LANCL3: variants seen among roughly 807,000 people sequenced by gnomAD.
LANCL3 encodes the protein lanC-like protein 3.
LANCL3 carries 19 observed loss-of-function variants against 26.5 expected under a neutral mutation model. The observed-to-expected ratio is 0.72, with a 90% CI of 0.50 to 1.05. The LOEUF (loss-of-function observed/expected upper bound fraction) is 1.05, where lower values mean the gene tolerates loss of function less well. Ranked by LOEUF, LANCL3 falls within the 50% of genes least tolerant of loss-of-function variation. The pLI is 0.00. For synonymous variants in LANCL3, 160 were observed against 166.6 expected, an observed-to-expected ratio of 0.96 and a Z score of 0.30; for missense variants, 318 against 362.7, an observed-to-expected ratio of 0.88 and a Z score of 1.00.
chrX:37,637,110 G>A (rs1267401911), intron 1 of LANCL3, among the ~76,000 whole-genome samples: 1 of 111,706 alleles, frequency 9.0e-6, no homozygotes, highest in Non-Finnish European at 1.9e-5. Context: ...ATCCTAGGTG[G>A]TGGAGCACAA....
chrX:37,639,886 T>C (rs1158920594), intron 1 of LANCL3, among the ~76,000 whole-genome samples: 1 of 112,045 alleles, frequency 8.9e-6, no homozygotes, highest in African/African-American at 3.2e-5. Flanking sequence ...CTATAGCAGC[T>C]GGCCATTTCT....
chrX:37,675,969 T>A lies in LANCL3; in HGVS notation c.*156T>A. 1 of 341,867 alleles carries A rather than the reference T, an allele frequency of 2.9e-6. No homozygotes were observed. Among genetic ancestry groups the A allele is most frequent in the Non-Finnish European group, 4.9e-6 (1 of 202,414 alleles). 28.2% of individuals were successfully genotyped at this position (341,867 alleles called of 1,213,427 possible). On this transcript the variant is annotated 3_prime_UTR_variant, in exon 5 of 5. Transcript: ENST00000378619. ...AGGTGAAGGCAACATGATGCCAGATTTGAGAAAGGATCTGCAAAATAAAGA... is the reference window on the plus strand; with the variant it reads ...AGGTGAAGGCAACATGATGCCAGATATGAGAAAGGATCTGCAAAATAAAGA...
intron 1 of LANCL3, among the ~76,000 whole-genome samples, chrX:37,622,460 G>GA (rs1464130733): frequency 2.8e-5 from 3 of 107,722 alleles, no homozygotes; most frequent in Admixed American, 2.0e-4. Flanking sequence ...ATCCTACACT[G>GA]AAAAAAAAAT....
intron 1 of LANCL3, among the ~76,000 whole-genome samples, chrX:37,587,852 T>C (rs782299877): frequency 1.8e-5 from 2 of 112,182 alleles, no homozygotes; most frequent in South Asian, 3.7e-4. Context: ...AGTACCTTAG[T>C]TGGAAATGCA....
chrX:37,677,531 T>A lies in LANCL3; in HGVS notation c.*1718T>A, dbSNP rs1484112978. On this transcript the variant is annotated 3_prime_UTR_variant, in exon 5 of 5. Transcript: ENST00000378619. ...TTCAGCTTCCTGTTTCATTTTTACA[T>A]CCTCAGATACAACCATATCAAATTG... The A allele has an allele frequency of 1.8e-5, 2 of 112,322 alleles. No individual in the cohort carries two copies. Among genetic ancestry groups the A allele is most frequent in the African/African-American group, 6.5e-5 (2 of 30,980 alleles). 9.3% of individuals were successfully genotyped at this position (112,322 alleles called of 1,213,427 possible). A position where few individuals can be genotyped will look rare whatever the true frequency, so the allele number is the denominator to read the frequency against.
intron 1 of LANCL3, among the ~76,000 whole-genome samples, chrX:37,647,783 C>T (rs1926026149): frequency 8.9e-6 from 1 of 112,468 alleles, no homozygotes; most frequent in Non-Finnish European, 1.9e-5. Context: ...TAGAACTGTA[C>T]TTCTGCACTA....
intron 1 of LANCL3, among the ~76,000 whole-genome samples, chrX:37,622,947 A>G (rs781981205): frequency 5.2e-4 from 59 of 112,682 alleles, no homozygotes; most frequent in African/African-American, 1.7e-3. Flanking sequence ...GATATAAGAA[A>G]TTCACTAAAC....
intron 1 of LANCL3, among the ~76,000 whole-genome samples, chrX:37,629,272 T>TTC: frequency 9.3e-6 from 1 of 107,237 alleles, no homozygotes; most frequent in African/African-American, 3.4e-5. Context: ...GTTCATGTCC[T>TTC]TCGCCCACTT....
intron 1 of LANCL3, among the ~76,000 whole-genome samples, chrX:37,580,679 T>C (rs1556416911): frequency 9.0e-6 from 1 of 111,263 alleles, no homozygotes; most frequent in Non-Finnish European, 1.9e-5. Flanking sequence ...TTGTACCCTT[T>C]TACCAACTTC....
At chrX:37,616,350 TA>T (rs1376374580) in intron 1 of LANCL3, among the ~76,000 whole-genome samples, 15 of 111,934 alleles carry the variant, frequency 1.3e-4, no homozygotes, top group Non-Finnish European at 2.6e-4. Context: ...TAATATAAAA[TA>T]TGTGGCTCAT....
At chrX:37,626,894 TGTGA>T (rs1386860478) in intron 1 of LANCL3, among the ~76,000 whole-genome samples, 2 of 112,029 alleles carry the variant, frequency 1.8e-5, no homozygotes, top group Non-Finnish European at 3.8e-5. Flanking sequence ...TCTTGTTCCC[TGTGA>T]GTAACGCCCT....
chrX:37,675,267 C>T (rs1926767198), intron 4 of LANCL3, among the ~76,000 whole-genome samples: 1 of 112,005 alleles, frequency 8.9e-6, no homozygotes, highest in South Asian at 3.7e-4. Flanking sequence ...TCTGCAGAAA[C>T]ACAGCATATT....
At position 37,571,817 on chromosome X, in the gene LANCL3, A is replaced by G. The variant is rs2037823547; in HGVS notation, c.-54A>G. On this transcript the variant is annotated 5_prime_UTR_variant, in exon 1 of 5. Coordinates refer to ENST00000378619, the MANE Select transcript of LANCL3 (RefSeq NM_001170331.2). ...AGCCGGAGGTGGTGTGCGGGGCTGC[A>G]GGGCACGACTTCAAGCGGTCCTCAG... 3 of 1,070,380 alleles carry G rather than the reference A, an allele frequency of 2.8e-6. No individual in the cohort carries two copies. The highest frequency in any genetic ancestry group is 2.6e-5 in the Admixed American group (1 of 37,924). The allele number at this position is 1,070,380 out of a possible 1,213,427, so 88.2% of individuals were successfully genotyped here. A position where few individuals can be genotyped will look rare whatever the true frequency, so the allele number is the denominator to read the frequency against.
chrX:37,597,138 G>A (rs1556419564), intron 1 of LANCL3, among the ~76,000 whole-genome samples: 2 of 111,882 alleles, frequency 1.8e-5, no homozygotes, highest in African/African-American at 6.5e-5. Context: ...TGTCTTTAAG[G>A]TCTATGCATA....
intron 1 of LANCL3, among the ~76,000 whole-genome samples, chrX:37,632,652 G>A (rs2146757112): frequency 9.0e-6 from 1 of 110,973 alleles, no homozygotes; most frequent in Admixed American, 9.6e-5. Flanking sequence ...AGGCCTGGTG[G>A]TGACAAAATC....
chrX:37,662,919 C>T (rs1926457580), intron 3 of LANCL3, among the ~76,000 whole-genome samples: 1 of 110,090 alleles, frequency 9.1e-6, no homozygotes, highest in Non-Finnish European at 1.9e-5. Context: ...TGCGAGGTCA[C>T]TTCCATGTAA....
At chrX:37,666,236 A>G (rs181416572) in intron 3 of LANCL3, among the ~76,000 whole-genome samples, 9 of 112,548 alleles carry the variant, frequency 8.0e-5, no homozygotes, top group Admixed American at 2.8e-4. Flanking sequence ...TCCAAAGAGT[A>G]GACATATTTA....
chrX:37,666,649 T>C (rs1301967629), intron 3 of LANCL3, among the ~76,000 whole-genome samples: 3 of 111,973 alleles, frequency 2.7e-5, no homozygotes, highest in African/African-American at 9.7e-5. Flanking sequence ...CTCTTGTAAC[T>C]GATACTACTT....
chrX:37,645,675 G>A (rs1017567433), intron 1 of LANCL3, among the ~76,000 whole-genome samples: 2 of 111,755 alleles, frequency 1.8e-5, no homozygotes, highest in South Asian at 3.8e-4. Flanking sequence ...TTGTTCCTTC[G>A]GTCTAACTTC....
Sources: allele counts gnomAD v4.1 joint callset (sites outside exome capture counted in the v4.1 genomes callset), GRCh38; gene constraint gnomAD v4.1.1; transcripts MANE v1.5; gene names NCBI Gene and HGNC (gene_info 2026-07-23, HGNC 2026-07-21).